COL1A1: variants seen among roughly 807,000 people sequenced by gnomAD.
COL1A1 encodes collagen type I alpha 1 chain, also known as collagen alpha-1(I) chain.
COL1A1 carries 21 observed loss-of-function variants against 195.7 expected under a neutral mutation model. That is an observed-to-expected ratio of 0.11 (90% CI 0.08 to 0.15). COL1A1 has a LOEUF of 0.15. Ranked by LOEUF, COL1A1 falls within the 10% of genes least tolerant of loss-of-function variation. The probability of loss-of-function intolerance (pLI) is 1.00; values close to 1 mark genes in which losing one functional copy is unlikely to be tolerated. For synonymous variants in COL1A1, 749 were observed against 747.3 expected, an observed-to-expected ratio of 1.00 and a Z score of -0.04; for missense variants, 1,365 against 2,051.0, an observed-to-expected ratio of 0.67 and a Z score of 6.46.
rs746671446 is a variant in COL1A1 at position 50,186,835 on chromosome 17, C to T, written c.3619G>A (p.Glu1207Lys). 5.6e-6 allele frequency: 9 copies of T among 1,614,068 alleles called. No individual in the cohort carries two copies. Among genetic ancestry groups the T allele is most frequent in the Non-Finnish European group, 7.6e-6 (9 of 1,180,054 alleles). ...TAGCGGCCACCATCGTGAGCCTTCT[C>T]TTGAGGTGGCTGGGGCAGGAAGCTG... ...DFSFLPQPPQ[E>K]KAHDGGRYYR... is the part of the protein sequence containing the mutation. The change falls in exon 48 of 51, where the codon GAG becomes AAG. Residue 1207 changes from glutamate (E) to lysine (K), a missense_variant. Glu to Lys is a moderately conservative substitution (Grantham distance 56, BLOSUM62 1). Transcript: ENST00000225964. The surrounding 1 kb of genome is among the most constrained non-coding windows in gnomAD (Gnocchi z 5.3).
At position 50,186,509 on chromosome 17, in the gene COL1A1, T is replaced by TGTG; in HGVS notation, c.3815-5_3815-3dup. 2.5e-6 allele frequency: 4 copies of TGTG among 1,614,060 alleles called. No individual in the cohort carries two copies. Among genetic ancestry groups the TGTG allele is most frequent in the Non-Finnish European group, 3.4e-6 (4 of 1,180,014 alleles). On this transcript the variant is annotated splice_region_variant and splice_polypyrimidine_tract_variant and intron_variant, in intron 48 of 50. Transcript: ENST00000225964. The surrounding 1 kb of genome is among the most constrained non-coding windows in gnomAD (Gnocchi z 5.3). ...GGTTGGGGTCAATCCAGTACTCTCC[T>TGTG]GTGGTAGGGCAGGGCAAGATGGAGT...
At chr17:50,199,648 C>A in intron 2 of COL1A1, 58 bp from the exon 3 acceptor site, 1 of 1,612,744 alleles carries the variant, frequency 6.2e-7, no homozygotes, top group South Asian at 1.1e-5. Context: ...CTCCCGTCGG[C>A]AGAGGCCTCC....
chr17:50,199,635 C>T (rs760965814), intron 2 of COL1A1, 45 bp from the exon 3 acceptor site: 1 of 1,613,528 alleles, frequency 6.2e-7, no homozygotes, highest in East Asian at 2.2e-5. Context: ...TTTGCTAATG[C>T]TGCTCCCGTC....
chr17:50,193,606 T>G (rs983484455), intron 25 of COL1A1: 7 of 357,332 alleles, frequency 2.0e-5, no homozygotes, highest in South Asian at 1.6e-4. Context: ...CTCAGCCTCC[T>G]GACTAGCTGG....
Position 50,190,982 on chromosome 17 carries a change from G to C in COL1A1, c.2236-58C>G. 1 of 1,522,594 alleles carries C rather than the reference G, an allele frequency of 6.6e-7. No individual in the cohort carries two copies. Among genetic ancestry groups the C allele is most frequent in the South Asian group, 1.1e-5 (1 of 88,368 alleles). The allele number at this position is 1,522,594 out of a possible 1,614,324, so 94.3% of individuals were successfully genotyped here. On this transcript the variant is annotated intron_variant, in intron 32 of 50. Transcript: ENST00000225964. The surrounding 1 kb of genome is among the most constrained non-coding windows in gnomAD (Gnocchi z 4.7). ...GTGGGGCAAGGAGGTGACCTATAGT[G>C]TTCTGCTTGTGTCTGGGTTTCCTGA...
intron 1 of COL1A1, chr17:50,200,246 A>C: frequency 1.4e-5 from 6 of 442,288 alleles, no homozygotes; most frequent in Non-Finnish European, 2.5e-5. Flanking sequence ...GTGAAATAAA[A>C]ACCACAGGGT....
Position 50,188,477 on chromosome 17 carries a change from C to T in COL1A1, c.3207+53G>A, listed in dbSNP as rs1249449892. The T allele has an allele frequency of 3.2e-6, 5 of 1,566,140 alleles. No homozygotes were observed. The highest frequency in any genetic ancestry group is 4.4e-6 in the Non-Finnish European group (5 of 1,137,172). On this transcript the variant is annotated intron_variant, in intron 43 of 50. Coordinates refer to ENST00000225964, the MANE Select transcript of COL1A1 (RefSeq NM_000088.4). This position sits in a 1 kb window ranked among gnomAD's most constrained non-coding sequence, Gnocchi z 5.6. ...CCCATCCCCAGGCCTCTAAGGAGGC[C>T]TGAAGAGTCCCTGGCCTGACCAGGT...
rs1598303789 is a variant in COL1A1 at position 50,201,552 on chromosome 17, A to C, written c.-39T>G. ...ACATGTAGACTCTTTGTGGCTGGGG[A>C]GGGGGTTAGCGTCCGCTCATGCGTG... is the stretch of plus-strand genomic sequence containing the variant. On this transcript the variant is annotated 5_prime_UTR_variant, in exon 1 of 51. Transcript: ENST00000225964. The C allele has an allele frequency of 6.4e-6, 10 of 1,572,992 alleles. No individual in the cohort carries two copies. Among genetic ancestry groups the C allele is most frequent in the African/African-American group, 1.3e-5 (1 of 74,292 alleles).
At position 50,189,415 on chromosome 17, in the gene COL1A1, C is replaced by T. The variant is rs2144549967; in HGVS notation, c.2791G>A (p.Ala931Thr). The T allele has an allele frequency of 6.2e-7, 1 of 1,612,648 alleles. No individual in the cohort carries two copies. The highest frequency in any genetic ancestry group is 8.5e-7 in the Non-Finnish European group (1 of 1,179,594). ...GCACCAGGGGATCCTTTCTCGCCAGCAGGGCCAGGGGGACCAGGGGGACCA... is the reference window on the plus strand; with the variant it reads ...GCACCAGGGGATCCTTTCTCGCCAGTAGGGCCAGGGGGACCAGGGGGACCA... ...EVGPPGPPGPAGEKGSPGADG... is the reference protein window; with the variant it reads ...EVGPPGPPGPTGEKGSPGADG... The change falls in exon 39 of 51, where the codon GCT becomes ACT. Residue 931 changes from alanine (A) to threonine (T), a missense_variant. Ala to Thr is a moderately conservative substitution (Grantham distance 58, BLOSUM62 0). Around this residue, in one of 5 missense-constraint regions of COL1A1, gnomAD observed 671 missense variants for 1,099.9 expected, o/e 0.61. Transcript: ENST00000225964. The surrounding 1 kb of genome is among the most constrained non-coding windows in gnomAD (Gnocchi z 5.5).
Position 50,189,222 on chromosome 17 carries a change from G to A in COL1A1, c.2883C>T (p.Val961=), listed in dbSNP as rs761548060. 5.0e-6 allele frequency: 8 copies of A among 1,613,736 alleles called. No individual in the cohort carries two copies. Among genetic ancestry groups the A allele is most frequent in the South Asian group, 2.2e-5 (2 of 91,056 alleles). Reference sequence around the variant, plus strand: ...TCTCTCCTCTCTGACCAGGCAGGCCGACCACACCACGCTGTCCAGCAATAC... The same window carrying A: ...TCTCTCCTCTCTGACCAGGCAGGCCAACCACACCACGCTGTCCAGCAATAC... ...PQGIAGQRGV[V]GLPGQRGERG... The change falls in exon 40 of 51, where the codon GTC becomes GTT. Residue 961 remains valine (V), a synonymous_variant. Transcript: ENST00000225964. The surrounding 1 kb of genome is among the most constrained non-coding windows in gnomAD (Gnocchi z 5.5).
chr17:50,192,172 C>T, intron 29 of COL1A1, 148 bp from the exon 30 acceptor site: 3 of 879,054 alleles, frequency 3.4e-6, no homozygotes, highest in Non-Finnish European at 5.3e-6. Context: ...CAAACAGCCC[C>T]TCTCTTCCTC....
At position 50,194,300 on chromosome 17, in the gene COL1A1, C is replaced by T. The variant is rs368259454; in HGVS notation, c.1614+49G>A. 1.6e-4 allele frequency: 256 copies of T among 1,605,298 alleles called. 2 individuals carry two copies. In the South Asian group the frequency reaches 1.7e-3, roughly 10 times the overall value. On this transcript the variant is annotated intron_variant, in intron 23 of 50. Transcript: ENST00000225964. This position sits in a 1 kb window ranked among gnomAD's most constrained non-coding sequence, Gnocchi z 6.8. ...AGAACGCCTCATCCCAGACCCTACA[C>T]GGGATGGTCAGGGCCTGGCCAAGCC... is the stretch of plus-strand genomic sequence containing the variant.
rs1567753998 is a variant in COL1A1, at chr17:50,187,930, T to C, written c.3315A>G (p.Arg1105=). The C allele has an allele frequency of 1.2e-6, 2 of 1,613,636 alleles. No individual in the cohort carries two copies. Among genetic ancestry groups the C allele is most frequent in the East Asian group, 4.5e-5 (2 of 44,860 alleles). Residue 1105 remains arginine (R), a synonymous_variant, in exon 45 of 51, where the codon AGA becomes AGG. Transcript: ENST00000225964. ...DKGETGEQGD[R]GIKGHRGFSG... is the part of the protein sequence containing the mutation. Reference sequence around the variant, plus strand: ...AGAAGCCACGGTGACCCTTTATGCCTCTGTCGCCCTGTTCGCCTGTCTCAC... The same window carrying C: ...AGAAGCCACGGTGACCCTTTATGCCCCTGTCGCCCTGTTCGCCTGTCTCAC...
At chr17:50,198,334 G>T in intron 6 of COL1A1, 99 bp downstream of exon 6, 1 of 1,536,648 alleles carries the variant, frequency 6.5e-7, no homozygotes, top group South Asian at 1.1e-5. Context: ...TCCCAAAGGT[G>T]ATCTGGACCT....
rs552379629 is a variant in COL1A1, at chr17:50,186,853, G to A, written c.3601C>T (p.Leu1201=). The A allele has an allele frequency of 1.3e-5, 21 of 1,614,162 alleles. No homozygotes were observed. The highest frequency in any genetic ancestry group is 4.0e-5 in the African/African-American group (3 of 75,060). ...GCCTTCTCTTGAGGTGGCTGGGGCA[G>A]GAAGCTGAAGTCGAAACCAGCGCTG... ...PPSAGFDFSF[L]PQPPQEKAHD... Residue 1201 remains leucine, a synonymous_variant, in exon 48 of 51, where the codon CTG becomes TTG. Transcript: ENST00000225964. The surrounding 1 kb of genome is among the most constrained non-coding windows in gnomAD (Gnocchi z 5.3).
In COL1A1 at chr17:50,195,426, A is replaced by T; in HGVS notation, c.1200+8T>A. The T allele has an allele frequency of 6.2e-7, 1 of 1,614,118 alleles. No homozygotes were observed. The highest frequency in any genetic ancestry group is 8.5e-7 in the Non-Finnish European group (1 of 1,180,002). ...AGGAGTGGGACTGAAGCCTGGCAGG[A>T]TACTTACATTGGCACCTTTAGCACC... On this transcript the variant is annotated splice_region_variant and intron_variant, in intron 18 of 50. Transcript: ENST00000225964. The surrounding 1 kb of genome is among the most constrained non-coding windows in gnomAD (Gnocchi z 4.3).
intron 7 of COL1A1, 52 bp from the exon 8 acceptor site, chr17:50,198,054 T>C: frequency 6.2e-7 from 1 of 1,609,388 alleles, no homozygotes; most frequent in Non-Finnish European, 8.5e-7. Flanking sequence ...GTCAACCTTC[T>C]CCAATCTTAC....
chr17:50,200,088 G>T, intron 1 of COL1A1, 141 bp from the exon 2 acceptor site: 2 of 929,372 alleles, frequency 2.2e-6, no homozygotes, highest in South Asian at 2.7e-5. Flanking sequence ...ATCCTTAAAA[G>T]CTCGCCTGCT....
chr17:50,190,884 T>C lies in COL1A1; in HGVS notation c.2276A>G (p.Lys759Arg). ...GCCAGTCAGACCACGGACGCCATCT[T>C]TGCCAGGAGAGCCATCAGCACCTTT... Reference protein sequence around the residue: ...GPKGADGSPGKDGVRGLTGPI... With the variant: ...GPKGADGSPGRDGVRGLTGPI... Residue 759 changes from lysine (K) to arginine (R), a missense_variant, in exon 33 of 51, where the codon AAA becomes AGA. Coordinates refer to ENST00000225964, the MANE Select transcript of COL1A1 (RefSeq NM_000088.4). This position sits in a 1 kb window ranked among gnomAD's most constrained non-coding sequence, Gnocchi z 4.7. 1 of 1,613,888 alleles carries C rather than the reference T, an allele frequency of 6.2e-7. No homozygotes were observed. The highest frequency in any genetic ancestry group is 8.5e-7 in the Non-Finnish European group (1 of 1,179,866).
Sources: gnomAD v4.1 joint callset for allele counts on GRCh38, gnomAD v4.1.1 for gene constraint, gnomAD v4.1.1 regional missense constraint, Gnocchi (gnomAD v3.1) non-coding constraint, MANE v1.5 for transcripts, NCBI Gene and HGNC (gene_info 2026-07-23, HGNC 2026-07-21) for gene names.